Variants in SYNE1 observed in about 807,000 individuals in gnomAD.
The protein encoded by SYNE1 is nesprin-1.
In SYNE1, 616 loss-of-function variants were observed where a neutral mutation model predicts 1,111.0. That is an observed-to-expected ratio of 0.55 (90% CI 0.52 to 0.59). SYNE1 has a LOEUF of 0.59. SYNE1 is among the 20% of genes least tolerant of loss of function. SYNE1 has a pLI of 0.00. For synonymous variants in SYNE1, 3,855 were observed against 3,825.8 expected, an observed-to-expected ratio of 1.01 and a Z score of -0.28; for missense variants, 10,006 against 10,417.0, an observed-to-expected ratio of 0.96 and a Z score of 1.72.
chr6:152,412,330 A>G (rs1422757272), intron 42 of SYNE1, among the ~76,000 whole-genome samples: 3 of 151,992 alleles, frequency 2.0e-5, no homozygotes. Flanking sequence ...AGGCTGAGGC[A>G]GGAGAATGGC....
intron 116 of SYNE1, among the ~76,000 whole-genome samples, chr6:152,225,301 A>ACG (rs1554234425): frequency 9.0e-6 from 1 of 110,808 alleles, no homozygotes; most frequent in Non-Finnish European, 1.9e-5. Flanking sequence ...ACACACACAC[A>ACG]CGCACACACA....
chr6:152,152,512 C>G (rs193217004), intron 133 of SYNE1, among the ~76,000 whole-genome samples: 1 of 152,064 alleles, frequency 6.6e-6, no homozygotes, highest in Non-Finnish European at 1.5e-5. Flanking sequence ...AAAATATACA[C>G]GTGTGTGTGG....
intron 119 of SYNE1, among the ~76,000 whole-genome samples, chr6:152,219,869 T>C (rs1052659331): frequency 2.0e-5 from 3 of 152,206 alleles, no homozygotes; most frequent in African/African-American, 7.2e-5. Context: ...CTGCTTTCTA[T>C]CCTATCATTG....
intron 91 of SYNE1, among the ~76,000 whole-genome samples, chr6:152,307,980 A>G (rs1221551624): frequency 6.6e-6 from 1 of 152,010 alleles, no homozygotes; most frequent in Non-Finnish European, 1.5e-5. Flanking sequence ...TTACAGGCGC[A>G]TGCCACCACA....
At chr6:152,160,316 A>T (rs2062202618) in intron 131 of SYNE1, among the ~76,000 whole-genome samples, 1 of 152,144 alleles carries the variant, frequency 6.6e-6, no homozygotes, top group Non-Finnish European at 1.5e-5. Flanking sequence ...CTCTTATTGA[A>T]CTAATAAAAC....
In SYNE1 at chr6:152,533,887, G is replaced by A. The variant is rs114764827; in HGVS notation, c.129+6073C>T. On this transcript the variant is annotated intron_variant, in intron 4 of 145. Transcript: ENST00000367255. ...ATAAAATATATTTCTGGTTGGGCAC[G>A]GTGGCTTACAGCTGTAATCCCAGCA... 7.8e-3 allele frequency among the ~76,000 whole-genome samples: 1,183 copies of A among 152,082 alleles called. 20 individuals are homozygous for A. The highest frequency in any genetic ancestry group is 0.027 in the African/African-American group (1,126 of 41,446).
intron 100 of SYNE1, among the ~76,000 whole-genome samples, chr6:152,262,887 C>A (rs1277950124): frequency 6.7e-6 from 1 of 150,276 alleles, no homozygotes; most frequent in African/African-American, 2.5e-5. Flanking sequence ...GAACGTAGTA[C>A]AGGGCACGGA....
intron 93 of SYNE1, among the ~76,000 whole-genome samples, chr6:152,297,712 C>A (rs2094946446): frequency 6.6e-6 from 1 of 151,886 alleles, no homozygotes; most frequent in South Asian, 2.1e-4. Flanking sequence ...ATTATAAATA[C>A]AGAAGGCTCC....
At chr6:152,195,511 A>G (rs1024675318) in intron 127 of SYNE1, among the ~76,000 whole-genome samples, 1 of 125,834 alleles carries the variant, frequency 7.9e-6, no homozygotes, top group African/African-American at 2.9e-5. Flanking sequence ...AATCTGCATC[A>G]TGGGGCACCC....
intron 28 of SYNE1, among the ~76,000 whole-genome samples, chr6:152,448,010 TAATG>T (rs1424792708): frequency 6.6e-6 from 1 of 152,164 alleles, no homozygotes; most frequent in African/African-American, 2.4e-5. Flanking sequence ...TGTGAAAAAA[TAATG>T]AAAGTTCTTT....
At chr6:152,292,333 T>C (rs1163505396) in intron 95 of SYNE1, among the ~76,000 whole-genome samples, 2 of 152,154 alleles carry the variant, frequency 1.3e-5, no homozygotes, top group East Asian at 1.9e-4. Context: ...CGTGCTTTCA[T>C]AGCATCCTCT....
chr6:152,147,295 G>C (rs2059675775), intron 137 of SYNE1: 1 of 152,370 alleles, frequency 6.6e-6, no homozygotes, highest in South Asian at 2.1e-4. Context: ...GGTTTCATTT[G>C]GACTCTCTCC....
At chr6:152,500,967 A>G (rs1337142566) in intron 10 of SYNE1, among the ~76,000 whole-genome samples, 1 of 150,452 alleles carries the variant, frequency 6.6e-6, no homozygotes, top group Non-Finnish European at 1.5e-5. Context: ...AAAAAAAAAA[A>G]GAAAACATAT....
At chr6:152,550,134 A>T (rs2099333082) in intron 3 of SYNE1, among the ~76,000 whole-genome samples, 1 of 152,186 alleles carries the variant, frequency 6.6e-6, no homozygotes, top group African/African-American at 2.4e-5. Flanking sequence ...TTGAAAAGTG[A>T]CAAAATATAG....
intron 3 of SYNE1, among the ~76,000 whole-genome samples, chr6:152,563,053 T>TACAC (rs34506864): frequency 0.036 from 5,396 of 148,880 alleles, 113 homozygotes; most frequent in Non-Finnish European, 0.041. Context: ...GGAAAAAGAG[T>TACAC]ACACACACAC....
At chr6:152,217,156 A>T (rs1218305715) in intron 121 of SYNE1, among the ~76,000 whole-genome samples, 1 of 133,564 alleles carries the variant, frequency 7.5e-6, no homozygotes, top group Admixed American at 8.0e-5. Context: ...GCACTTTGGG[A>T]GGCTGAGGCG....
intron 4 of SYNE1, among the ~76,000 whole-genome samples, chr6:152,537,870 A>T (rs2099251026): frequency 6.6e-6 from 1 of 152,222 alleles, no homozygotes; most frequent in Non-Finnish European, 1.5e-5. Context: ...TCAACTAAAC[A>T]TCCCAGCTCT....
At chr6:152,410,309 T>C (rs1203471497) in intron 42 of SYNE1, 1 of 152,450 alleles carries the variant, frequency 6.6e-6, no homozygotes, top group African/African-American at 2.4e-5. Flanking sequence ...GCACTTTCTC[T>C]CATTTGATCT....
At position 152,350,275 on chromosome 6, in the gene SYNE1, G is replaced by A; in HGVS notation, c.11794C>T (p.Gln3932Ter). 6.2e-7 allele frequency: 1 copy of A among 1,614,156 alleles called. No homozygotes were observed. The highest frequency in any genetic ancestry group is 8.5e-7 in the Non-Finnish European group (1 of 1,180,042). Residue 3932 changes from glutamine to a stop codon, truncating the protein, a stop_gained, in exon 72 of 146, where the codon CAA becomes TAA. Transcript: ENST00000367255. LOFTEE classifies it high-confidence loss of function. ...TGCAGCAGCCACTTTTCGACCTCTT[G>A]GAGCTCACTGTTGTAGTCTTCATGG... ...KDHEDYNSEL[Q>*]EVEKWLLQMS...
Sources: gnomAD v4.1 joint callset for allele counts (sites outside exome capture counted in the v4.1 genomes callset) on GRCh38, gnomAD v4.1.1 for gene constraint, MANE v1.5 for transcripts, NCBI Gene and HGNC (gene_info 2026-07-23, HGNC 2026-07-21) for gene names.